The following COL22A1 variants were observed in gnomAD, a reference collection of about 807,000 sequenced individuals.
COL22A1 encodes collagen alpha-1(XXII) chain.
In COL22A1, 221 loss-of-function variants were observed where a neutral mutation model predicts 248.9. The ratio of observed to expected loss-of-function variants is 0.89; its 90% CI spans 0.80 to 0.99. The LOEUF (loss-of-function observed/expected upper bound fraction) is 0.99, where lower values mean the gene tolerates loss of function less well. Ranked by LOEUF, COL22A1 falls within the 50% of genes least tolerant of loss-of-function variation. The probability of loss-of-function intolerance (pLI) is 0.00; values close to 1 mark genes in which losing one functional copy is unlikely to be tolerated. For synonymous variants in COL22A1, 891 were observed against 793.4 expected, an observed-to-expected ratio of 1.12 and a Z score of -2.07; for missense variants, 2,240 against 2,179.0, an observed-to-expected ratio of 1.03 and a Z score of -0.56.
chr8:138,591,842 C>T (rs894761980), intron 63 of COL22A1, among the ~76,000 whole-genome samples: 5 of 152,220 alleles, frequency 3.3e-5, no homozygotes, highest in African/African-American at 1.2e-4. Flanking sequence ...ACCATATTAA[C>T]AACTGTATAC....
At chr8:138,646,823 C>T (rs1044902905) in intron 46 of COL22A1, 141 bp from the exon 47 acceptor site, 2 of 611,266 alleles carry the variant, frequency 3.3e-6, no homozygotes, top group African/African-American at 1.9e-5. Context: ...CTGCCCCTAG[C>T]CTGTCTGAGC....
At position 138,685,196 on chromosome 8, in the gene COL22A1, C is replaced by A. The variant is rs774717065; in HGVS notation, c.2967+12G>T. 6.3e-7 allele frequency: 1 copy of A among 1,575,698 alleles called. No individual in the cohort carries two copies. Among genetic ancestry groups the A allele is most frequent in the Non-Finnish European group, 8.7e-7 (1 of 1,148,910 alleles). On this transcript the variant is annotated intron_variant, in intron 38 of 64. Transcript: ENST00000303045. ...TTTCTACAGGCACTGGGACCCCCGA[C>A]CTTCCACTTACCGGCTCTCCATCCT...
chr8:138,897,464 G>A (rs1049900259), intron 1 of COL22A1, among the ~76,000 whole-genome samples: 1 of 151,710 alleles, frequency 6.6e-6, no homozygotes, highest in Non-Finnish European at 1.5e-5. Flanking sequence ...CAGGAGAATC[G>A]CTTAAACCCA....
chr8:138,786,802 G>A (rs887796637), intron 12 of COL22A1, among the ~76,000 whole-genome samples: 18 of 152,286 alleles, frequency 1.2e-4, no homozygotes, highest in African/African-American at 3.6e-4. Context: ...TACTTGGGAG[G>A]CTGAGGCAGG....
intron 1 of COL22A1, among the ~76,000 whole-genome samples, chr8:138,899,712 C>T (rs185685559): frequency 5.8e-4 from 88 of 152,026 alleles, no homozygotes; most frequent in African/African-American, 1.9e-3. Flanking sequence ...TTAGTAGAGA[C>T]GGGGTTTCAC....
At chr8:138,755,083 T>C in intron 21 of COL22A1, 74 bp downstream of exon 21, 1 of 1,450,582 alleles carries the variant, frequency 6.9e-7, no homozygotes, top group Non-Finnish European at 9.7e-7. Flanking sequence ...GCGCCGGGAA[T>C]GACTCTGATC....
chr8:138,827,023 T>C (rs912953966), intron 5 of COL22A1, among the ~76,000 whole-genome samples: 1 of 152,080 alleles, frequency 6.6e-6, no homozygotes. Context: ...ATCCCTATGG[T>C]GCGTCTGCTT....
intron 2 of COL22A1, among the ~76,000 whole-genome samples, chr8:138,882,734 C>T (rs923248929): frequency 1.3e-5 from 2 of 151,554 alleles, no homozygotes; most frequent in Non-Finnish European, 2.9e-5. Context: ...CCCCACTCTT[C>T]CTCAAACTCA....
intron 16 of COL22A1, among the ~76,000 whole-genome samples, chr8:138,764,171 C>T (rs191343005): frequency 6.7e-4 from 102 of 152,272 alleles, no homozygotes; most frequent in African/African-American, 2.3e-3. Context: ...CTGCTGTGCT[C>T]GCTGTGGGTG....
intron 23 of COL22A1, among the ~76,000 whole-genome samples, chr8:138,729,525 T>A (rs1290088213): frequency 6.6e-6 from 1 of 152,166 alleles, no homozygotes; most frequent in Non-Finnish European, 1.5e-5. Context: ...ACCTAGCAAC[T>A]GCCGTAGCCA....
intron 37 of COL22A1, 63 bp from the exon 38 acceptor site, chr8:138,685,375 G>A: frequency 7.3e-7 from 1 of 1,374,326 alleles, no homozygotes; most frequent in South Asian, 1.2e-5. Flanking sequence ...TTTCTATGGG[G>A]GAGCAGCTTG....
At chr8:138,908,402 CT>C (rs1815185083) in intron 1 of COL22A1, among the ~76,000 whole-genome samples, 1 of 152,180 alleles carries the variant, frequency 6.6e-6, no homozygotes. Context: ...GCTTTTGTTA[CT>C]TTTTAAATTT....
intron 16 of COL22A1, among the ~76,000 whole-genome samples, chr8:138,768,030 C>T (rs961431312): frequency 3.9e-5 from 6 of 152,210 alleles, no homozygotes; most frequent in African/African-American, 1.4e-4. Flanking sequence ...CAGGATGGCC[C>T]AGGTGTCCCT....
At position 138,655,372 on chromosome 8, in the gene COL22A1, T is replaced by C. The variant is rs1035604575; in HGVS notation, c.3333+525A>G. 8.5e-5 allele frequency among the ~76,000 whole-genome samples: 13 copies of C among 152,252 alleles called. No homozygotes were observed. In the East Asian group the frequency reaches 2.5e-3, roughly 29 times the overall value. ...AATTTTTAATCGCATTTATTTATTA[T>C]TTTTGAAACAGGGTCTTGCTCTGTC... On this transcript the variant is annotated intron_variant, in intron 45 of 64. Transcript: ENST00000303045.
In COL22A1 at chr8:138,720,759, G is replaced by C; in HGVS notation, c.2335C>G (p.Pro779Ala). 1 of 1,613,960 alleles carries C rather than the reference G, an allele frequency of 6.2e-7. No homozygotes were observed. Among genetic ancestry groups the C allele is most frequent in the Non-Finnish European group, 8.5e-7 (1 of 1,179,814 alleles). ...CATACCCGAAGGCCTGGTTTTCCAGGCAGACCATCTTCCCCTCTTTCTCCT... is the reference window on the plus strand; with the variant it reads ...CATACCCGAAGGCCTGGTTTTCCAGCCAGACCATCTTCCCCTCTTTCTCCT... ...EPGERGEDGL[P>A]GKPGLRGEIG... The change falls in exon 27 of 65, where the codon CCT becomes GCT. Residue 779 changes from proline (P) to alanine (A), a missense_variant. Coordinates refer to ENST00000303045, the MANE Select transcript of COL22A1 (RefSeq NM_152888.3).
intron 3 of COL22A1, among the ~76,000 whole-genome samples, chr8:138,865,943 G>A (rs1822860688): frequency 6.6e-6 from 1 of 151,434 alleles, no homozygotes; most frequent in South Asian, 2.1e-4. Flanking sequence ...GTATGTTTGT[G>A]TATGTTTGTA....
At chr8:138,623,807 G>T in intron 51 of COL22A1, 22 bp from the exon 52 acceptor site, 1 of 1,608,230 alleles carries the variant, frequency 6.2e-7, no homozygotes, top group Non-Finnish European at 8.5e-7. Context: ...ACTCAAATTG[G>T]TTATCAGGTC....
chr8:138,668,607 T>C (rs1264855352), intron 41 of COL22A1, among the ~76,000 whole-genome samples: 1 of 152,206 alleles, frequency 6.6e-6, no homozygotes, highest in Non-Finnish European at 1.5e-5. Flanking sequence ...CTCTCAGAAT[T>C]GATCACCTCT....
At chr8:138,846,893 G>T (rs1245529794) in intron 3 of COL22A1, among the ~76,000 whole-genome samples, 1 of 152,224 alleles carries the variant, frequency 6.6e-6, no homozygotes, top group East Asian at 1.9e-4. Flanking sequence ...GCATTGCAGG[G>T]CTGACTAACA....
Sources: allele counts gnomAD v4.1 joint callset (sites outside exome capture counted in the v4.1 genomes callset), GRCh38; gene constraint gnomAD v4.1.1; transcripts MANE v1.5; gene names NCBI Gene and HGNC (gene_info 2026-07-23, HGNC 2026-07-21).